The following RTL4 variants were observed in gnomAD, a reference collection of about 807,000 sequenced individuals.
RTL4 encodes retrotransposon Gag-like protein 4.
RTL4 carries 4 observed loss-of-function variants against 5.3 expected under a neutral mutation model. The observed-to-expected ratio is 0.75, with a 90% CI of 0.37 to 1.72. The LOEUF is 1.72. Among genes scored for constraint, RTL4 ranks in the 40% most tolerant of loss-of-function variants. The pLI, the probability that RTL4 is intolerant of heterozygous loss-of-function variation, is 0.04. For synonymous variants in RTL4, 98 were observed against 87.3 expected (o/e 1.12, Z -0.68); for missense variants, 260 against 227.1 (o/e 1.14, Z -0.93).
At chrX:112,161,918 C>T in the RTL4 span, among the ~76,000 whole-genome samples, 96 of 99,470 alleles carry the variant, frequency 9.7e-4, no homozygotes, top group African/African-American at 3.1e-3. Context: ...AGGAAAAATC[C>T]GTTCTAATAT....
chrX:112,296,907 G>A, the RTL4 span, among the ~76,000 whole-genome samples: 21 of 109,706 alleles, frequency 1.9e-4, no homozygotes, highest in Admixed American at 2.9e-4. Context: ...ATGAGCCACC[G>A]CGCCTGGCTG....
At chrX:112,443,623 G>T in the RTL4 span, among the ~76,000 whole-genome samples, 1 of 111,528 alleles carries the variant, frequency 9.0e-6, no homozygotes, top group Non-Finnish European at 1.9e-5. Flanking sequence ...TTTAGTATAA[G>T]CCATTTTAAC....
At chrX:112,449,378 A>G in the RTL4 span, among the ~76,000 whole-genome samples, 1 of 111,941 alleles carries the variant, frequency 8.9e-6, no homozygotes, top group Non-Finnish European at 1.9e-5. Flanking sequence ...AGCCATGAAA[A>G]GAAGCAATGC....
At chrX:112,181,873 C>T in the RTL4 span, among the ~76,000 whole-genome samples, 7 of 111,969 alleles carry the variant, frequency 6.3e-5, no homozygotes. Flanking sequence ...CTGACCCGTG[C>T]TCCTCCTGAC....
At chrX:112,119,009 A>C in the RTL4 span, among the ~76,000 whole-genome samples, 400 of 96,024 alleles carry the variant, frequency 4.2e-3, 1 homozygote, top group African/African-American at 0.017. Context: ...ACACCCAGCT[A>C]ATTTTTTTTT....
the RTL4 span, among the ~76,000 whole-genome samples, chrX:112,306,318 A>G: frequency 9.0e-6 from 1 of 111,641 alleles, no homozygotes; most frequent in Admixed American, 9.6e-5. Context: ...CATAAAGAGA[A>G]CAATGTGTGA....
chrX:112,144,012 C>T, the RTL4 span, among the ~76,000 whole-genome samples: 6,115 of 112,150 alleles, frequency 0.055, 350 homozygotes, highest in African/African-American at 0.17. Context: ...TCACATAGAA[C>T]TACTTATTTT....
chrX:112,449,201 GAGA>G, the RTL4 span, among the ~76,000 whole-genome samples: 1 of 111,325 alleles, frequency 9.0e-6, no homozygotes, highest in Non-Finnish European at 1.9e-5. Context: ...TTCCCAGGCA[GAGA>G]AGAAGAGAGT....
At chrX:112,297,008 G>A in the RTL4 span, among the ~76,000 whole-genome samples, 37,005 of 109,127 alleles carry the variant, frequency 0.34, 4,785 homozygotes, top group Admixed American at 0.42. Flanking sequence ...TGAAGTGGAA[G>A]GACAGATTTT....
the RTL4 span, among the ~76,000 whole-genome samples, chrX:112,339,454 AAAGAT>A: frequency 3.7e-4 from 41 of 112,283 alleles, no homozygotes; most frequent in Non-Finnish European, 5.6e-5. Flanking sequence ...AGGAAAAGAC[AAAGAT>A]AAGAGTGAGT....
At chrX:112,290,629 C>T in the RTL4 span, among the ~76,000 whole-genome samples, 1 of 112,449 alleles carries the variant, frequency 8.9e-6, no homozygotes, top group African/African-American at 3.2e-5. Flanking sequence ...TCATAAGCTA[C>T]TGCTATAACA....
the RTL4 span, among the ~76,000 whole-genome samples, chrX:112,144,116 C>A: frequency 9.0e-6 from 1 of 111,169 alleles, no homozygotes; most frequent in South Asian, 3.8e-4. Context: ...TTGGATTTAA[C>A]CTTAGAGTTG....
the RTL4 span, among the ~76,000 whole-genome samples, chrX:112,155,254 T>C: frequency 1.8e-5 from 2 of 110,962 alleles, no homozygotes; most frequent in Admixed American, 1.9e-4. Context: ...TTGAAGCTTT[T>C]CAAAGCTTAC....
chrX:112,333,927 C>A, the RTL4 span, among the ~76,000 whole-genome samples: 1 of 107,179 alleles, frequency 9.3e-6, no homozygotes, highest in Non-Finnish European at 1.9e-5. Context: ...CATTAACCAT[C>A]CCCACCTCCC....
At chrX:112,150,892 A>G in the RTL4 span, among the ~76,000 whole-genome samples, 2 of 111,701 alleles carry the variant, frequency 1.8e-5, no homozygotes, top group Non-Finnish European at 1.9e-5. Context: ...CCACCTATCC[A>G]TTTTCTCTGG....
chrX:112,275,515 A>T, the RTL4 span, among the ~76,000 whole-genome samples: 1 of 112,249 alleles, frequency 8.9e-6, no homozygotes, highest in Admixed American at 9.4e-5. Flanking sequence ...GAAATTTTCT[A>T]ACTATGTAAC....
At chrX:112,366,068 G>A in the RTL4 span, among the ~76,000 whole-genome samples, 1 of 111,135 alleles carries the variant, frequency 9.0e-6, no homozygotes, top group South Asian at 3.8e-4. Flanking sequence ...ACTTCCTGGA[G>A]GAGCCAGAAA....
At chrX:112,450,908 G>A (rs756451317), upstream of RTL4, among the ~76,000 whole-genome samples, 1 of 111,733 alleles carries the variant, frequency 8.9e-6, no homozygotes, top group Non-Finnish European at 1.9e-5. Flanking sequence ...CTGTAAAATG[G>A]AAGCAATTTT....
the RTL4 span, among the ~76,000 whole-genome samples, chrX:112,248,515 A>G: frequency 1.8e-5 from 2 of 112,291 alleles, no homozygotes; most frequent in Non-Finnish European, 3.8e-5. Flanking sequence ...TCTCCTTTCA[A>G]TTCGCCATTC....
Sources: gnomAD v4.1 joint callset for allele counts (sites outside exome capture counted in the v4.1 genomes callset) on GRCh38, gnomAD v4.1.1 for gene constraint, MANE v1.5 for transcripts, NCBI Gene and HGNC (gene_info 2026-07-23, HGNC 2026-07-21) for gene names.